Variants in GALC observed in about 807,000 individuals in gnomAD.
GALC encodes the protein galactosylceramidase.
Under a neutral mutation model 91.8 loss-of-function variants are expected in GALC, and 77 were observed. That is an observed-to-expected ratio of 0.84 (90% CI 0.70 to 1.01). GALC has a LOEUF of 1.01. Among genes scored for constraint, GALC ranks in the 50% least tolerant of loss-of-function variants. The pLI is 0.00. For synonymous variants in GALC, 357 were observed against 306.7 expected, an observed-to-expected ratio of 1.16 and a Z score of -1.71; for missense variants, 882 against 855.9, an observed-to-expected ratio of 1.03 and a Z score of -0.38.
rs562507980 is a variant in GALC at position 87,963,853 on chromosome 14, G to T, written c.1034-342C>A. On this transcript the variant is annotated intron_variant, in intron 9 of 16. Transcript: ENST00000261304. ...ATCCTAAAATAGCTACCAAAAAAAG[G>T]TTTAAAAAGTTAATAATGAATTTCA... Among the ~76,000 whole-genome samples, 290 of 151,992 alleles carry T rather than the reference G, an allele frequency of 1.9e-3. 1 individual carries two copies. The highest frequency in any genetic ancestry group is 2.7e-3 in the Non-Finnish European group (184 of 67,968).
chr14:87,947,623 G>GT, intron 13 of GALC, 105 bp downstream of exon 13: 1 of 1,071,300 alleles, frequency 9.3e-7, no homozygotes, highest in East Asian at 2.4e-5. Context: ...GTAAATGAAT[G>GT]TGCTTTTGAC....
At chr14:87,954,691 G>C (rs1040986834) in intron 10 of GALC, 1 of 1,557,204 alleles carries the variant, frequency 6.4e-7, no homozygotes, top group Non-Finnish European at 8.9e-7. Context: ...TTTCAGAGCT[G>C]TCATTTCCTA....
intron 4 of GALC, 145 bp from the exon 5 acceptor site, chr14:87,984,678 T>TAAAAATTATTGAAATCCTTTCCA: frequency 2.7e-6 from 2 of 734,288 alleles, no homozygotes; most frequent in Non-Finnish European, 4.6e-6. Flanking sequence ...ATATACCATA[T>TAAAAATTATTGAAATCCTTTCCA]AAAAATTATT....
intron 9 of GALC, among the ~76,000 whole-genome samples, chr14:87,965,125 TAA>T (rs1019880249): frequency 6.6e-5 from 10 of 152,308 alleles, no homozygotes; most frequent in African/African-American, 2.2e-4. Flanking sequence ...TCTATTAATA[TAA>T]GAGAACAAAA....
chr14:87,936,896 C>CCATATA (rs1555378200), intron 16 of GALC, among the ~76,000 whole-genome samples: 5 of 3,550 alleles, frequency 1.4e-3, no homozygotes, highest in African/African-American at 1.7e-3. Context: ...ATATCAGGTA[C>CCATATA]TATATATATA....
intron 10 of GALC, among the ~76,000 whole-genome samples, chr14:87,961,309 A>G (rs950637073): frequency 6.6e-6 from 1 of 152,206 alleles, no homozygotes; most frequent in African/African-American, 2.4e-5. Flanking sequence ...ATGGACAGTA[A>G]GAACTGTTAG....
chr14:87,934,373 G>A lies in GALC; in HGVS notation c.*359C>T. The A allele has an allele frequency of 7.9e-7, 1 of 1,266,096 alleles. No individual in the cohort carries two copies. The highest frequency in any genetic ancestry group is 1.0e-6 in the Non-Finnish European group (1 of 997,476). The allele number at this position is 1,266,096 out of a possible 1,614,324, so 78.4% of individuals were successfully genotyped here. On this transcript the variant is annotated 3_prime_UTR_variant, in exon 17 of 17. Coordinates refer to ENST00000261304, the MANE Select transcript of GALC (RefSeq NM_000153.4). ...ATAAATACATCTCAGTGATGATCAA[G>A]TTACTGCCATCTACAGGACCGCTTG...
At chr14:87,980,410 A>C in intron 6 of GALC, 7 of 632,528 alleles carry the variant, frequency 1.1e-5, no homozygotes, top group Non-Finnish European at 1.4e-5. Context: ...TATTCCAGTG[A>C]ATACATTAGC....
intron 5 of GALC, among the ~76,000 whole-genome samples, chr14:87,983,310 TG>T (rs1886823339): frequency 6.6e-6 from 1 of 151,754 alleles, no homozygotes; most frequent in South Asian, 2.1e-4. Flanking sequence ...CCAATCCGGG[TG>T]ACAGTGTAAA....
rs571109345 is a variant in GALC, at chr14:87,968,613, G to A, written c.753-123C>T. 3.3e-6 allele frequency: 3 copies of A among 921,140 alleles called. No homozygotes were observed. In the East Asian group the frequency reaches 7.8e-5, roughly 24 times the overall value. The allele number at this position is 921,140 out of a possible 1,614,324, so 57.1% of individuals were successfully genotyped here. On this transcript the variant is annotated intron_variant, in intron 7 of 16. Coordinates refer to ENST00000261304, the MANE Select transcript of GALC (RefSeq NM_000153.4). Reference sequence around the variant, plus strand: ...CAAGGTTTTCTATTTTAAAACAGTTGGGTAGCTTCCAGGTAGATAATGAAT... The same window carrying A: ...CAAGGTTTTCTATTTTAAAACAGTTAGGTAGCTTCCAGGTAGATAATGAAT...
At chr14:87,980,676 G>T in intron 6 of GALC, 1 of 157,290 alleles carries the variant, frequency 6.4e-6, no homozygotes, top group Non-Finnish European at 1.4e-5. Context: ...GAACCCTGTA[G>T]GTGTATTATT....
At chr14:87,970,072 A>C (rs1334049776) in intron 7 of GALC, among the ~76,000 whole-genome samples, 1 of 152,164 alleles carries the variant, frequency 6.6e-6, no homozygotes, top group African/African-American at 2.4e-5. Flanking sequence ...TCTGGCTACT[A>C]GTCTTTTAAA....
At chr14:87,961,843 A>G (rs1885819538) in intron 10 of GALC, among the ~76,000 whole-genome samples, 3 of 152,166 alleles carry the variant, frequency 2.0e-5, no homozygotes, top group Admixed American at 2.0e-4. Context: ...TGCCTGAAGT[A>G]CCCGATCGAG....
chr14:87,968,830 C>T (rs767816863), intron 7 of GALC, among the ~76,000 whole-genome samples: 1 of 152,092 alleles, frequency 6.6e-6, no homozygotes, highest in African/African-American at 2.4e-5. Flanking sequence ...GCAGAGAGGG[C>T]CACAGCCTAG....
intron 8 of GALC, among the ~76,000 whole-genome samples, chr14:87,965,904 AG>A (rs1886032881): frequency 6.6e-6 from 1 of 152,228 alleles, no homozygotes; most frequent in South Asian, 2.1e-4. Context: ...TGGTATAGCC[AG>A]AAGACGAATC....
intron 15 of GALC, 60 bp downstream of exon 15, chr14:87,941,335 G>A: frequency 9.6e-7 from 1 of 1,039,968 alleles, no homozygotes; most frequent in Non-Finnish European, 1.5e-6. Context: ...TAACAAGTAG[G>A]TGCTCAAAGT....
At chr14:87,941,791 T>C (rs1176889892) in intron 14 of GALC, among the ~76,000 whole-genome samples, 2 of 152,026 alleles carry the variant, frequency 1.3e-5, no homozygotes, top group African/African-American at 4.8e-5. Flanking sequence ...TGGACAATAA[T>C]AGTTATGATT....
chr14:87,984,305 G>A (rs1886876130), intron 5 of GALC, 89 bp downstream of exon 5: 1 of 1,303,456 alleles, frequency 7.7e-7, no homozygotes, highest in Non-Finnish European at 1.1e-6. Context: ...GCATAAAATG[G>A]TTAGTCAAAA....
chr14:87,954,498 T>C (rs1885436060), intron 10 of GALC: 3 of 1,566,286 alleles, frequency 1.9e-6, no homozygotes, highest in East Asian at 2.3e-5. Context: ...AATTACACAC[T>C]AGAAAACCTA....
Sources: gnomAD v4.1 joint callset for allele counts (sites outside exome capture counted in the v4.1 genomes callset) on GRCh38, gnomAD v4.1.1 for gene constraint, MANE v1.5 for transcripts, NCBI Gene and HGNC (gene_info 2026-07-23, HGNC 2026-07-21) for gene names.